The following ZCWPW1 variants were observed in gnomAD, a reference collection of about 807,000 sequenced individuals.
ZCWPW1 encodes zinc finger CW-type PWWP domain protein 1.
In ZCWPW1, 56 loss-of-function variants were observed where a neutral mutation model predicts 81.3. The observed-to-expected ratio is 0.69, with a 90% confidence interval of 0.56 to 0.86. ZCWPW1 has a LOEUF of 0.86. Ranked by LOEUF, ZCWPW1 falls within the 40% of genes least tolerant of loss-of-function variation. The pLI, the probability that ZCWPW1 is intolerant of heterozygous loss-of-function variation, is 0.00. For missense variants in ZCWPW1, 650 were observed against 769.8 expected, an observed-to-expected ratio of 0.84 and a Z score of 1.84; for synonymous variants, 250 against 273.7, an observed-to-expected ratio of 0.91 and a Z score of 0.86.
chr7:100,424,986 A>C (rs914110532), intron 2 of ZCWPW1, 44 bp downstream of exon 2: 1 of 152,156 alleles, frequency 6.6e-6, no homozygotes, highest in Non-Finnish European at 1.5e-5. Context: ...TAATATGTAT[A>C]ATCTGTGCAT....
chr7:100,405,256 C>T lies in ZCWPW1; in HGVS notation c.1174-163G>A, dbSNP rs370164493. Among the ~76,000 whole-genome samples the T allele has an allele frequency of 6.6e-5, 10 of 152,072 alleles. No individual in the cohort carries two copies. In the South Asian group the frequency reaches 1.9e-3, roughly 28 times the overall value. ...CAGCCTGGCCAAGATGGTGAAACCCCGTCTCTAATAAAAATACAAAAATTA... is the reference window on the plus strand; with the variant it reads ...CAGCCTGGCCAAGATGGTGAAACCCTGTCTCTAATAAAAATACAAAAATTA... On this transcript the variant is annotated intron_variant, in intron 12 of 17. Transcript: ENST00000684423.
At chr7:100,403,980 G>A (rs1246394110) in intron 14 of ZCWPW1, among the ~76,000 whole-genome samples, 195 bp from the exon 15 acceptor site, 5 of 151,850 alleles carry the variant, frequency 3.3e-5, no homozygotes, top group Non-Finnish European at 5.9e-5. Flanking sequence ...TCCCCATTCT[G>A]TTTCTCCCAT....
intron 6 of ZCWPW1, among the ~76,000 whole-genome samples, chr7:100,416,698 A>G (rs1444064982): frequency 6.6e-6 from 1 of 152,192 alleles, no homozygotes. Context: ...CTGTAATCCC[A>G]GCACTTTGGG....
chr7:100,420,592 T>C, intron 3 of ZCWPW1, 30 bp downstream of exon 3: 1 of 1,613,962 alleles, frequency 6.2e-7, no homozygotes, highest in South Asian at 1.1e-5. Flanking sequence ...GAGAAATGTA[T>C]GAAGCGAACC....
chr7:100,416,992 CAGAT>C (rs933601545), intron 6 of ZCWPW1, 70 bp downstream of exon 6: 126 of 1,030,236 alleles, frequency 1.2e-4, no homozygotes, highest in South Asian at 3.3e-4. Flanking sequence ...GATAGACAGA[CAGAT>C]AGATAGACTG....
rs1020334123 is a variant in ZCWPW1, at chr7:100,414,894, G to A, written c.754+1081C>T. ...ACAAAAATTAGCTGGGCGTGGTGGC[G>A]CATGCCTGTAGTCCGAGCTACTAGG... is the stretch of plus-strand genomic sequence containing the variant. On this transcript the variant is annotated intron_variant, in intron 8 of 17. Coordinates refer to ENST00000684423, the MANE Select transcript of ZCWPW1 (RefSeq NM_001386010.1). 2.6e-5 allele frequency among the ~76,000 whole-genome samples: 4 copies of A among 151,578 alleles called. No homozygotes were observed. In the East Asian group the frequency reaches 8.0e-4, roughly 30 times the overall value.
rs781022769 is a variant in ZCWPW1, at chr7:100,406,658, T to C, written c.1173+36A>G. The C allele has an allele frequency of 2.5e-6, 4 of 1,571,292 alleles. No homozygotes were observed. The Admixed American group carries it at 5.2e-5, about 20-fold the overall frequency. On this transcript the variant is annotated intron_variant, in intron 12 of 17. Coordinates refer to ENST00000684423, the MANE Select transcript of ZCWPW1 (RefSeq NM_001386010.1). ...GTTTAAGAAAAGGAAGATTTTGTTT[T>C]CTCTGTATCACAACAGAACCCCAAG...
chr7:100,416,812 G>A (rs1795316238), intron 6 of ZCWPW1, among the ~76,000 whole-genome samples: 1 of 152,134 alleles, frequency 6.6e-6, no homozygotes, highest in African/African-American at 2.4e-5. Flanking sequence ...CGGGTGTGGT[G>A]GCAGGCGCCT....
intron 1 of ZCWPW1, among the ~76,000 whole-genome samples, chr7:100,425,897 A>G: frequency 6.6e-6 from 1 of 152,270 alleles, no homozygotes; most frequent in Non-Finnish European, 1.5e-5. Context: ...CAACAGATAC[A>G]AACCAAATAA....
intron 12 of ZCWPW1, among the ~76,000 whole-genome samples, chr7:100,405,793 A>T (rs1792878735): frequency 6.6e-6 from 1 of 151,940 alleles, no homozygotes; most frequent in Non-Finnish European, 1.5e-5. Flanking sequence ...TGCCCAGCAA[A>T]TTTTTTGTAT....
intron 2 of ZCWPW1, among the ~76,000 whole-genome samples, chr7:100,424,171 A>G (rs1333375700): frequency 6.6e-6 from 1 of 152,138 alleles, no homozygotes; most frequent in Non-Finnish European, 1.5e-5. Flanking sequence ...TTAAAATTCC[A>G]AAAAAGATCA....
intron 8 of ZCWPW1, among the ~76,000 whole-genome samples, chr7:100,414,961 G>A (rs1188245259): frequency 2.0e-5 from 3 of 151,252 alleles, no homozygotes; most frequent in Non-Finnish European, 1.5e-5. Flanking sequence ...GGAGGAGAAG[G>A]TTGCAGTGAG....
intron 14 of ZCWPW1, among the ~76,000 whole-genome samples, 185 bp downstream of exon 14, chr7:100,403,993 C>G (rs1252277556): frequency 1.3e-5 from 2 of 152,104 alleles, no homozygotes; most frequent in Non-Finnish European, 2.9e-5. Context: ...TCTCCCATTC[C>G]TCTCTCCACT....
rs535049949 is a variant in ZCWPW1 at position 100,417,260 on chromosome 7, A to G, written c.362-77T>C. 7.9e-6 allele frequency: 9 copies of G among 1,134,782 alleles called. No individual in the cohort carries two copies. The African/African-American group carries it at 9.5e-5, about 12-fold the overall frequency. 70.3% of individuals were successfully genotyped at this position (1,134,782 alleles called of 1,614,324 possible). ...TCTATTACTCCCTAACATTTTCTCT[A>G]AAGTGTCTTCTCCCTGTAGCCTGAA... On this transcript the variant is annotated intron_variant, in intron 5 of 17. Transcript: ENST00000684423.
intron 8 of ZCWPW1, among the ~76,000 whole-genome samples, chr7:100,412,533 T>C (rs1794379566): frequency 6.6e-6 from 1 of 152,124 alleles, no homozygotes; most frequent in Admixed American, 6.6e-5. Flanking sequence ...CTTAAAACCA[T>C]CCACTTTTCT....
rs1795894800 is a variant in ZCWPW1 at position 100,419,168 on chromosome 7, C to T, written c.304G>A (p.Ala102Thr). The change falls in exon 5 of 18, where the codon GCA becomes ACA. Residue 102 changes from alanine (A) to threonine (T), a missense_variant. Ala to Thr is a moderately conservative substitution (Grantham distance 58). Transcript: ENST00000684423. ...KEKEKSSLTN[A>T]EFEEIVQIVL... ...ATCTGGACAATCTCCTCAAATTCTG[C>T]ATTGGTAAGACTTGATTTTTCCTGC... The T allele has an allele frequency of 2.5e-6, 4 of 1,612,788 alleles. No homozygotes were observed. Among genetic ancestry groups the T allele is most frequent in the African/African-American group, 1.3e-5 (1 of 74,938 alleles).
At chr7:100,426,670 T>C (rs1797412488) in intron 1 of ZCWPW1, among the ~76,000 whole-genome samples, 2 of 133,320 alleles carry the variant, frequency 1.5e-5, no homozygotes, top group Non-Finnish European at 3.2e-5. Flanking sequence ...CTTTACTCCT[T>C]CCTCCCTCTT....
chr7:100,414,840 C>T (rs936148630), intron 8 of ZCWPW1, among the ~76,000 whole-genome samples: 3 of 151,946 alleles, frequency 2.0e-5, no homozygotes, highest in East Asian at 1.9e-4. Flanking sequence ...TCCTGGCCAA[C>T]ATGGTGAAAC....
intron 4 of ZCWPW1, 135 bp downstream of exon 4, chr7:100,419,495 A>T: frequency 6.9e-7 from 1 of 1,439,208 alleles, no homozygotes; most frequent in Non-Finnish European, 9.2e-7. Context: ...AAAAAAAGGA[A>T]GCCCTCAAAA....
Sources: allele counts gnomAD v4.1 joint callset (sites outside exome capture counted in the v4.1 genomes callset), GRCh38; gene constraint gnomAD v4.1.1; transcripts MANE v1.5; gene names NCBI Gene and HGNC (gene_info 2026-07-23, HGNC 2026-07-21).